Variants in CADM1 observed in about 807,000 individuals in gnomAD.
CADM1 encodes TSLC-1.
Under a neutral mutation model 53.1 loss-of-function variants are expected in CADM1, and 15 were observed. That is an observed-to-expected ratio of 0.28 (90% CI 0.19 to 0.44). CADM1 has a LOEUF of 0.44. Ranked by LOEUF, CADM1 falls within the 20% of genes least tolerant of loss-of-function variation. The pLI is 1.00. For missense variants in CADM1, 434 were observed against 611.3 expected (o/e 0.71, Z 3.06); for synonymous variants, 281 against 243.0 (o/e 1.16, Z -1.45).
chr11:115,474,374 A>G (rs1409207095), intron 1 of CADM1, among the ~76,000 whole-genome samples: 2 of 151,796 alleles, frequency 1.3e-5, no homozygotes, highest in African/African-American at 4.8e-5. Flanking sequence ...GCAAATAAGC[A>G]TGTGAAAACT....
At chr11:115,322,892 T>C (rs774485057) in intron 1 of CADM1, among the ~76,000 whole-genome samples, 1 of 152,136 alleles carries the variant, frequency 6.6e-6, no homozygotes, top group Non-Finnish European at 1.5e-5. Flanking sequence ...TAAATAATAA[T>C]ATAATATTCA....
intron 1 of CADM1, among the ~76,000 whole-genome samples, chr11:115,345,167 T>C (rs998936465): frequency 1.3e-5 from 2 of 152,158 alleles, no homozygotes; most frequent in South Asian, 4.1e-4. Context: ...CACAAAAGAC[T>C]GCCACCACGC....
intron 10 of CADM1, among the ~76,000 whole-genome samples, chr11:115,189,211 T>C (rs1939723247): frequency 6.6e-6 from 1 of 152,088 alleles, no homozygotes; most frequent in East Asian, 1.9e-4. Flanking sequence ...CTGACTTGGG[T>C]GATTGATAGA....
At chr11:115,389,059 G>A (rs1346670574) in intron 1 of CADM1, among the ~76,000 whole-genome samples, 4 of 152,016 alleles carry the variant, frequency 2.6e-5, no homozygotes, top group African/African-American at 7.2e-5. Flanking sequence ...AAGACATGGT[G>A]GATGCAACTT....
intron 1 of CADM1, among the ~76,000 whole-genome samples, chr11:115,343,118 AC>A (rs2135250144): frequency 6.6e-6 from 1 of 152,294 alleles, no homozygotes; most frequent in African/African-American, 2.4e-5. Context: ...TTGAGAATGT[AC>A]TTTATCTGCA....
chr11:115,219,219 C>A (rs1383893548), intron 5 of CADM1, among the ~76,000 whole-genome samples: 1 of 152,150 alleles, frequency 6.6e-6, no homozygotes, highest in African/African-American at 2.4e-5. Context: ...AACATTCATC[C>A]TATGGAATAA....
intron 1 of CADM1, among the ~76,000 whole-genome samples, chr11:115,284,114 CTGTGTGTGTGTG>C (rs751286330): frequency 1.7e-4 from 17 of 98,686 alleles, no homozygotes; most frequent in East Asian, 7.8e-4. Flanking sequence ...CTCTCTCTCT[CTGTGTGTGTGTG>C]TGTGTGTGTG....
At chr11:115,500,864 A>G (rs1348553159) in intron 1 of CADM1, among the ~76,000 whole-genome samples, 1 of 152,184 alleles carries the variant, frequency 6.6e-6, no homozygotes, top group Non-Finnish European at 1.5e-5. Context: ...ATGAGCAGGC[A>G]GTGAGCCGGG....
At chr11:115,188,793 A>G (rs756665334) in intron 10 of CADM1, among the ~76,000 whole-genome samples, 3 of 152,228 alleles carry the variant, frequency 2.0e-5, no homozygotes, top group African/African-American at 4.8e-5. Flanking sequence ...TCCTTTCTCA[A>G]TCAATATGCT....
chr11:115,462,016 A>T (rs568871046), intron 1 of CADM1, among the ~76,000 whole-genome samples: 3 of 152,318 alleles, frequency 2.0e-5, no homozygotes, highest in Non-Finnish European at 4.4e-5. Flanking sequence ...ACTGGGAAAC[A>T]TTTAGCCGGT....
intron 1 of CADM1, among the ~76,000 whole-genome samples, chr11:115,502,136 C>T (rs376503151): frequency 6.6e-6 from 1 of 152,088 alleles, no homozygotes; most frequent in Non-Finnish European, 1.5e-5. Flanking sequence ...ATATCCCTCG[C>T]AGGGAAGGCA....
At chr11:115,333,232 C>T (rs969303555) in intron 1 of CADM1, among the ~76,000 whole-genome samples, 1 of 152,176 alleles carries the variant, frequency 6.6e-6, no homozygotes, top group Non-Finnish European at 1.5e-5. Flanking sequence ...CCAGGGCAAT[C>T]TCTCTAAAGG....
intron 1 of CADM1, among the ~76,000 whole-genome samples, chr11:115,267,483 C>G (rs1047665888): frequency 6.6e-6 from 1 of 152,062 alleles, no homozygotes; most frequent in Admixed American, 6.6e-5. Flanking sequence ...GCCTGGCTTG[C>G]GAATGAAATG....
intron 1 of CADM1, among the ~76,000 whole-genome samples, chr11:115,503,545 G>C (rs1173275333): frequency 6.6e-6 from 1 of 152,084 alleles, no homozygotes; most frequent in African/African-American, 2.4e-5. Flanking sequence ...TTCCCGCAGA[G>C]GCGGCGACAG....
Position 115,175,335 on chromosome 11 carries a change from T to G in CADM1, c.*1139A>C. ...ACAAATATCTGTAATATACAGTACA[T>G]GCAGGCCACATCCTACTGCCTTCCT... On this transcript the variant is annotated 3_prime_UTR_variant, in exon 12 of 12. Coordinates refer to ENST00000331581, the MANE Select transcript of CADM1 (RefSeq NM_001301043.2). 1.0e-6 allele frequency: 1 copy of G among 982,050 alleles called. No individual in the cohort carries two copies. The highest frequency in any genetic ancestry group is 1.2e-6 in the Non-Finnish European group (1 of 828,952). 60.8% of individuals were successfully genotyped at this position (982,050 alleles called of 1,614,324 possible). A position where few individuals can be genotyped will look rare whatever the true frequency, so the allele number is the denominator to read the frequency against.
chr11:115,386,381 C>A (rs1397097337), intron 1 of CADM1, among the ~76,000 whole-genome samples: 1 of 152,152 alleles, frequency 6.6e-6, no homozygotes, highest in Non-Finnish European at 1.5e-5. Flanking sequence ...AAAACAAAGA[C>A]ACATGTCTTA....
intron 1 of CADM1, among the ~76,000 whole-genome samples, chr11:115,394,872 C>T (rs923915492): frequency 1.3e-5 from 2 of 152,088 alleles, no homozygotes; most frequent in Admixed American, 6.6e-5. Flanking sequence ...CAAAACAAAA[C>T]GCTAGAGATA....
intron 1 of CADM1, among the ~76,000 whole-genome samples, chr11:115,426,658 T>C (rs1287097196): frequency 6.6e-6 from 1 of 152,170 alleles, no homozygotes; most frequent in East Asian, 1.9e-4. Flanking sequence ...GCTGCACCAG[T>C]TGAGTTTCAT....
chr11:115,461,257 ATG>A (rs1487514294), intron 1 of CADM1, among the ~76,000 whole-genome samples: 43 of 152,192 alleles, frequency 2.8e-4, no homozygotes, highest in Non-Finnish European at 3.8e-4. Flanking sequence ...AAAAATAATA[ATG>A]TAGTTGAGAT....
Sources: allele counts gnomAD v4.1 joint callset (sites outside exome capture counted in the v4.1 genomes callset), GRCh38; gene constraint gnomAD v4.1.1; transcripts MANE v1.5; gene names NCBI Gene and HGNC (gene_info 2026-07-23, HGNC 2026-07-21).